Variants in FYN observed in about 807,000 individuals in gnomAD.
FYN encodes the protein tyrosine-protein kinase Fyn.
A neutral mutation model predicts 70.2 loss-of-function variants in FYN; 10 were observed. The ratio of observed to expected loss-of-function variants is 0.14; its 90% CI spans 0.09 to 0.24. The LOEUF (loss-of-function observed/expected upper bound fraction) is 0.24, where lower values mean the gene tolerates loss of function less well. FYN is among the 10% of genes least tolerant of loss of function. The pLI is 1.00. For missense variants in FYN, 319 were observed against 673.1 expected (o/e 0.47, Z 5.82); for synonymous variants, 236 against 248.6 (o/e 0.95, Z 0.48).
chr6:111,824,946 T>C (rs1055988759), intron 2 of FYN, among the ~76,000 whole-genome samples: 2 of 152,238 alleles, frequency 1.3e-5, no homozygotes, highest in African/African-American at 2.4e-5. Flanking sequence ...GTTTAAAGTT[T>C]TCATTACTTC....
chr6:111,671,856 T>C (rs1264440558), intron 13 of FYN, among the ~76,000 whole-genome samples: 1 of 152,254 alleles, frequency 6.6e-6, no homozygotes, highest in Non-Finnish European at 1.5e-5. Context: ...AATCCTATAA[T>C]TGGAATCCCT....
intron 13 of FYN, among the ~76,000 whole-genome samples, chr6:111,666,878 T>C (rs1468132531): frequency 1.3e-5 from 2 of 152,100 alleles, no homozygotes. Context: ...TCCCAGAGCC[T>C]CCATGGAACA....
chr6:111,808,726 T>TCAC (rs1483600000), intron 2 of FYN, among the ~76,000 whole-genome samples: 2 of 152,110 alleles, frequency 1.3e-5, no homozygotes, highest in Admixed American at 1.3e-4. Context: ...TGTCAAACCC[T>TCAC]CACCACCATC....
At chr6:111,829,198 A>G (rs1188683481) in intron 2 of FYN, among the ~76,000 whole-genome samples, 2 of 152,196 alleles carry the variant, frequency 1.3e-5, no homozygotes, top group South Asian at 4.1e-4. Context: ...GATTTTCAAA[A>G]CAGTCTTAAC....
chr6:111,866,638 G>C (rs1239259450), intron 1 of FYN, among the ~76,000 whole-genome samples: 2 of 152,176 alleles, frequency 1.3e-5, no homozygotes, highest in Non-Finnish European at 2.9e-5. Flanking sequence ...CCCCGTGCCC[G>C]GCCCCAACCC....
chr6:111,866,372 C>T (rs1774106244), intron 1 of FYN, among the ~76,000 whole-genome samples: 1 of 152,182 alleles, frequency 6.6e-6, no homozygotes, highest in Non-Finnish European at 1.5e-5. Context: ...GACAGAGCCT[C>T]ACTCTCTCGC....
At chr6:111,718,766 GGAAAGCTA>G (rs1466668258) in intron 4 of FYN, among the ~76,000 whole-genome samples, 2 of 152,284 alleles carry the variant, frequency 1.3e-5, no homozygotes, top group East Asian at 3.9e-4. Context: ...TGGGTTAAAA[GGAAAGCTA>G]GAGTCACCAC....
intron 1 of FYN, among the ~76,000 whole-genome samples, chr6:111,866,666 C>T (rs911426642): frequency 5.9e-5 from 9 of 152,240 alleles, no homozygotes; most frequent in African/African-American, 2.2e-4. Flanking sequence ...TTAACCACAC[C>T]ACACACCTGG....
At chr6:111,839,137 C>A (rs1773277194) in intron 2 of FYN, among the ~76,000 whole-genome samples, 1 of 152,174 alleles carries the variant, frequency 6.6e-6, no homozygotes, top group Non-Finnish European at 1.5e-5. Context: ...ATTTCTGCTG[C>A]CAAACTTCTG....
intron 2 of FYN, chr6:111,820,143 C>G (rs1772612593): frequency 6.6e-6 from 1 of 152,142 alleles, no homozygotes; most frequent in Non-Finnish European, 1.5e-5. Context: ...GAATGGGAAC[C>G]CTTAGCAAGA....
chr6:111,841,907 A>G lies in FYN; in HGVS notation c.-82+4682T>C, dbSNP rs144473087. On this transcript the variant is annotated intron_variant, in intron 2 of 13. Transcript: ENST00000354650. ...GCTGGTCAGTTATTACGCATGATAC[A>G]TAACAACTATTTTTGGGCCAAGACT... Among the ~76,000 whole-genome samples, 206 of 152,234 alleles carry G rather than the reference A, an allele frequency of 1.4e-3. 1 individual carries two copies. The highest frequency in any genetic ancestry group is 4.8e-3 in the African/African-American group (200 of 41,536).
chr6:111,838,689 T>A (rs1773263483), intron 2 of FYN, among the ~76,000 whole-genome samples: 1 of 152,230 alleles, frequency 6.6e-6, no homozygotes, highest in African/African-American at 2.4e-5. Context: ...CTTAAATAGG[T>A]TAGAATGACA....
intron 4 of FYN, among the ~76,000 whole-genome samples, chr6:111,715,122 C>T (rs1800568632): frequency 6.6e-6 from 1 of 152,162 alleles, no homozygotes; most frequent in Non-Finnish European, 1.5e-5. Flanking sequence ...TCACACCCAC[C>T]CTATGTCCTC....
intron 2 of FYN, among the ~76,000 whole-genome samples, chr6:111,788,190 CAACTT>C (rs1771472029): frequency 1.3e-5 from 2 of 152,290 alleles, no homozygotes; most frequent in South Asian, 4.1e-4. Context: ...CTCTACTGTA[CAACTT>C]TTCACGCTAT....
At chr6:111,850,336 A>G (rs1263444298) in intron 1 of FYN, among the ~76,000 whole-genome samples, 1 of 152,236 alleles carries the variant, frequency 6.6e-6, no homozygotes, top group African/African-American at 2.4e-5. Context: ...CAAAAGATTT[A>G]AAATATTCAC....
intron 3 of FYN, among the ~76,000 whole-genome samples, chr6:111,769,561 A>G (rs1803361558): frequency 6.6e-6 from 1 of 152,180 alleles, no homozygotes; most frequent in Admixed American, 6.5e-5. Flanking sequence ...AGACTATTTG[A>G]CTAGTTGGAA....
At chr6:111,701,403 T>TTTTTGA (rs1799829392) in intron 8 of FYN, among the ~76,000 whole-genome samples, 3 of 152,182 alleles carry the variant, frequency 2.0e-5, no homozygotes, top group African/African-American at 7.2e-5. Context: ...GGGCTGTAAC[T>TTTTTGA]TGCTTTTTAC....
At chr6:111,666,018 T>TTTTTTTC (rs1162492364) in intron 13 of FYN, among the ~76,000 whole-genome samples, 4 of 143,300 alleles carry the variant, frequency 2.8e-5, no homozygotes, top group East Asian at 2.1e-4. Flanking sequence ...TTTTTTTTTT[T>TTTTTTTC]TGAGACAGAG....
chr6:111,788,246 G>A (rs1771474698), intron 2 of FYN, among the ~76,000 whole-genome samples: 1 of 152,230 alleles, frequency 6.6e-6, no homozygotes, highest in Non-Finnish European at 1.5e-5. Flanking sequence ...GGGCAAGAAT[G>A]CAGGCTAAAT....
Sources: gnomAD v4.1 joint callset for allele counts (sites outside exome capture counted in the v4.1 genomes callset) on GRCh38, gnomAD v4.1.1 for gene constraint, MANE v1.5 for transcripts, NCBI Gene and HGNC (gene_info 2026-07-23, HGNC 2026-07-21) for gene names.